Variants in ANKFN1 observed in about 807,000 individuals in gnomAD.
ANKFN1 encodes the protein ankyrin repeat and fibronectin type III domain containing 1.
A neutral mutation model predicts 108.7 loss-of-function variants in ANKFN1; 74 were observed. The observed-to-expected ratio is 0.68, with a 90% CI of 0.56 to 0.83. The LOEUF (loss-of-function observed/expected upper bound fraction) is 0.83. Ranked by LOEUF, ANKFN1 falls within the 40% of genes least tolerant of loss-of-function variation. The probability of loss-of-function intolerance (pLI) is 0.00; values close to 1 mark genes in which losing one functional copy is unlikely to be tolerated. For synonymous variants in ANKFN1, 547 were observed against 516.2 expected, an observed-to-expected ratio of 1.06 and a Z score of -0.81; for missense variants, 1,505 against 1,382.3, an observed-to-expected ratio of 1.09 and a Z score of -1.41.
At chr17:56,424,966 T>C (rs957169558) in intron 8 of ANKFN1, among the ~76,000 whole-genome samples, 5 of 152,182 alleles carry the variant, frequency 3.3e-5, no homozygotes, top group African/African-American at 9.7e-5. Context: ...AAATATTAAA[T>C]GAGCAATGAG....
intron 8 of ANKFN1, among the ~76,000 whole-genome samples, chr17:56,398,015 G>A (rs779744185): frequency 1.2e-4 from 19 of 152,090 alleles, no homozygotes; most frequent in Non-Finnish European, 2.1e-4. Context: ...CCCAGATTCC[G>A]TTTTCTAAAT....
intron 8 of ANKFN1, among the ~76,000 whole-genome samples, chr17:56,412,175 T>G (rs1002476305): frequency 2.0e-5 from 3 of 152,228 alleles, no homozygotes; most frequent in Admixed American, 6.5e-5. Flanking sequence ...TTTGGTCTAT[T>G]GCCAATTTCT....
chr17:56,231,058 G>T (rs1463058014), intron 3 of ANKFN1, among the ~76,000 whole-genome samples: 1 of 152,110 alleles, frequency 6.6e-6, no homozygotes, highest in Admixed American at 6.6e-5. Flanking sequence ...TAGGATTTTA[G>T]CTGAGGCTTT....
At chr17:56,430,317 A>T (rs930203806) in intron 8 of ANKFN1, among the ~76,000 whole-genome samples, 1 of 152,126 alleles carries the variant, frequency 6.6e-6, no homozygotes, top group East Asian at 1.9e-4. Context: ...TTAATTTTTT[A>T]AAAAAGGTCA....
rs1221842248 is a variant in ANKFN1, at chr17:56,512,595, G to C, written c.*1326G>C. ...AAGGCACAAGTTTCCTCATCTCCTG[G>C]AGCCAAGACCCATTCACTTCACTGA... On this transcript the variant is annotated 3_prime_UTR_variant, in exon 21 of 21. Transcript: ENST00000682825. Among the ~76,000 whole-genome samples, 9 of 152,096 alleles carry C rather than the reference G, an allele frequency of 5.9e-5. No homozygotes were observed. Among genetic ancestry groups the C allele is most frequent in the Non-Finnish European group, 1.2e-4 (8 of 68,020 alleles).
intron 4 of ANKFN1, among the ~76,000 whole-genome samples, chr17:56,331,765 T>G (rs941469150): frequency 6.6e-6 from 1 of 152,208 alleles, no homozygotes; most frequent in Admixed American, 6.6e-5. Context: ...TTATTATATC[T>G]TGTTTTAGCA....
chr17:56,094,016 G>A (rs972705090), intron 4 of ANKFN1, among the ~76,000 whole-genome samples: 2 of 151,318 alleles, frequency 1.3e-5, no homozygotes, highest in African/African-American at 4.9e-5. Flanking sequence ...AATTTGGACA[G>A]GTACAGAGGA....
At position 56,086,085 on chromosome 17, in the gene ANKFN1, A is replaced by G. The variant is rs866285869; in HGVS notation, c.288+39760A>G. 2.4e-4 allele frequency among the ~76,000 whole-genome samples: 36 copies of G among 151,250 alleles called. 2 individuals carry two copies. The highest frequency in any genetic ancestry group is 8.0e-4 in the African/African-American group (33 of 41,346). On this transcript the variant is annotated intron_variant, in intron 4 of 12. Transcript: ENST00000635860. ...TTAGAATTTAATAAATAAAATATAG[A>G]ATTTATGGTAGAGAAAATATGCTTT...
At chr17:56,406,354 A>G (rs1242029834) in intron 8 of ANKFN1, among the ~76,000 whole-genome samples, 1 of 152,172 alleles carries the variant, frequency 6.6e-6, no homozygotes, top group African/African-American at 2.4e-5. Flanking sequence ...AAATTATTTC[A>G]ATTCTTTCAG....
At chr17:56,246,906 G>A (rs1241655018) in intron 3 of ANKFN1, among the ~76,000 whole-genome samples, 1 of 152,126 alleles carries the variant, frequency 6.6e-6, no homozygotes, top group Non-Finnish European at 1.5e-5. Flanking sequence ...TCCCTTTTAT[G>A]TACAAGCTTC....
intron 1 of ANKFN1, among the ~76,000 whole-genome samples, chr17:56,181,899 G>A (rs1013005560): frequency 6.6e-6 from 1 of 152,038 alleles, no homozygotes; most frequent in African/African-American, 2.4e-5. Flanking sequence ...GTATCTCTGT[G>A]TCACATGTTG....
At chr17:56,497,366 A>G (rs2051232564) in intron 19 of ANKFN1, among the ~76,000 whole-genome samples, 1 of 152,158 alleles carries the variant, frequency 6.6e-6, no homozygotes, top group South Asian at 2.1e-4. Flanking sequence ...CTGGCCCTGA[A>G]TACTCTGCTG....
chr17:56,436,405 CAT>C (rs1356876775), intron 8 of ANKFN1, among the ~76,000 whole-genome samples: 2 of 152,184 alleles, frequency 1.3e-5, no homozygotes, highest in African/African-American at 4.8e-5. Context: ...TTATCTTAAA[CAT>C]TACAAGTTTT....
At chr17:56,168,359 G>C (rs1225028417) in intron 1 of ANKFN1, among the ~76,000 whole-genome samples, 1 of 152,012 alleles carries the variant, frequency 6.6e-6, no homozygotes, top group African/African-American at 2.4e-5. Context: ...AGGCAGATAG[G>C]ACAGGACTTC....
chr17:56,460,639 C>T (rs895726586), intron 14 of ANKFN1, among the ~76,000 whole-genome samples: 2 of 151,978 alleles, frequency 1.3e-5, no homozygotes, highest in Non-Finnish European at 2.9e-5. Context: ...CTTGCACAGA[C>T]CGAACCTTCT....
chr17:56,425,451 T>A (rs908000374), intron 8 of ANKFN1, among the ~76,000 whole-genome samples: 1 of 152,242 alleles, frequency 6.6e-6, no homozygotes, highest in South Asian at 2.1e-4. Flanking sequence ...AAAATGCAAA[T>A]CTGATCACAT....
At chr17:56,441,435 C>T (rs534768280) in intron 9 of ANKFN1, among the ~76,000 whole-genome samples, 1 of 152,234 alleles carries the variant, frequency 6.6e-6, no homozygotes, top group South Asian at 2.1e-4. Flanking sequence ...GTAATCACCA[C>T]GGAATCCTGA....
At chr17:56,313,327 A>G (rs1408337267) in intron 3 of ANKFN1, among the ~76,000 whole-genome samples, 2 of 152,142 alleles carry the variant, frequency 1.3e-5, no homozygotes, top group Non-Finnish European at 2.9e-5. Context: ...ATGTGCAAAG[A>G]TCTTAAACAG....
intron 4 of ANKFN1, among the ~76,000 whole-genome samples, chr17:56,047,929 T>C (rs1188295094): frequency 6.6e-6 from 1 of 152,204 alleles, no homozygotes; most frequent in Non-Finnish European, 1.5e-5. Flanking sequence ...TTTTTCCCGT[T>C]ACTATTAATG....
Sources: gnomAD v4.1 joint callset for allele counts (sites outside exome capture counted in the v4.1 genomes callset) on GRCh38, gnomAD v4.1.1 for gene constraint, MANE v1.5 for transcripts, NCBI Gene and HGNC (gene_info 2026-07-23, HGNC 2026-07-21) for gene names.